Variants in URM1 observed in about 807,000 individuals in gnomAD.
URM1 encodes the protein ubiquitin-related modifier 1.
URM1 carries 11 observed loss-of-function variants against 17.7 expected under a neutral mutation model. That is an observed-to-expected ratio of 0.62 (90% CI 0.39 to 1.03). The LOEUF (loss-of-function observed/expected upper bound fraction) is 1.03. URM1 is among the 50% of genes least tolerant of loss of function. The pLI is 0.00. For missense variants in URM1, 128 were observed against 129.2 expected, an observed-to-expected ratio of 0.99 and a Z score of 0.04; for synonymous variants, 48 against 50.6, an observed-to-expected ratio of 0.95 and a Z score of 0.22.
chr9:128,379,252 C>T (rs148674215), intron 2 of URM1, among the ~76,000 whole-genome samples: 2 of 152,094 alleles, frequency 1.3e-5, no homozygotes, highest in African/African-American at 4.8e-5. Flanking sequence ...GAGGCTGAGG[C>T]GGGCAGATCA....
At chr9:128,381,273 G>A (rs1198855511) in intron 2 of URM1, among the ~76,000 whole-genome samples, 1 of 152,210 alleles carries the variant, frequency 6.6e-6, no homozygotes, top group Non-Finnish European at 1.5e-5. Flanking sequence ...TGGGAGTGGA[G>A]CCAGGGAATA....
intron 2 of URM1, 54 bp downstream of exon 2, chr9:128,378,160 C>A: frequency 7.6e-7 from 1 of 1,319,298 alleles, no homozygotes; most frequent in South Asian, 1.2e-5. Flanking sequence ...AGGAGTTGGT[C>A]CATGGGGAAC....
At chr9:128,371,643 C>T (rs1216593767) in intron 1 of URM1, among the ~76,000 whole-genome samples, 2 of 152,278 alleles carry the variant, frequency 1.3e-5, no homozygotes, top group East Asian at 3.9e-4. Flanking sequence ...CTCTGTGTAC[C>T]ACTCGGTGCC....
chr9:128,391,306 T>C lies in URM1; in HGVS notation c.*1572T>C, dbSNP rs1452901665. ...ATCATTCTTTTGGGGGTAGATGACC[T>C]GCTGGCTGGTGGGCTTTTCTCCAGG... is the stretch of plus-strand genomic sequence containing the variant. On this transcript the variant is annotated 3_prime_UTR_variant, in exon 5 of 5. Transcript: ENST00000372853. 1 of 152,326 alleles carries C rather than the reference T, an allele frequency of 6.6e-6. No individual in the cohort carries two copies. The highest frequency in any genetic ancestry group is 1.5e-5 in the Non-Finnish European group (1 of 68,124). The allele number at this position is 152,326 out of a possible 1,614,324, so 9.4% of individuals were successfully genotyped here. A position where few individuals can be genotyped will look rare whatever the true frequency, so the allele number is the denominator to read the frequency against.
rs761148696 is a variant in URM1, at chr9:128,389,896, A to C, written c.*162A>C. The C allele has an allele frequency of 5.2e-6, 5 of 970,136 alleles. No homozygotes were observed. The highest frequency in any genetic ancestry group is 7.4e-6 in the Non-Finnish European group (5 of 671,344). 60.1% of individuals were successfully genotyped at this position (970,136 alleles called of 1,614,324 possible). ...AGGGAAAAGAGGCCAGGTGCTAAAA[A>C]TGAGCCTTTCTCAAGCACGTGAGCA... On this transcript the variant is annotated 3_prime_UTR_variant, in exon 5 of 5. Transcript: ENST00000372853.
chr9:128,379,884 A>G (rs959258118), intron 2 of URM1, among the ~76,000 whole-genome samples: 4 of 152,156 alleles, frequency 2.6e-5, no homozygotes, highest in Admixed American at 6.5e-5. Context: ...AGTCTGAGGT[A>G]GGAGGATTAC....
chr9:128,377,927 C>A, intron 1 of URM1, 109 bp from the exon 2 acceptor site: 1 of 1,126,190 alleles, frequency 8.9e-7, no homozygotes, highest in Non-Finnish European at 1.3e-6. Flanking sequence ...TTAGTCTCTG[C>A]TTCTCTCGGC....
chr9:128,375,821 C>T (rs1321054624), intron 1 of URM1, among the ~76,000 whole-genome samples: 1 of 152,096 alleles, frequency 6.6e-6, no homozygotes, highest in Non-Finnish European at 1.5e-5. Flanking sequence ...CTCTCAGCCT[C>T]CCAAAGTGCT....
chr9:128,384,595 G>A (rs890478869), intron 2 of URM1, among the ~76,000 whole-genome samples: 1 of 152,168 alleles, frequency 6.6e-6, no homozygotes, highest in South Asian at 2.1e-4. Context: ...CTCTAAAGCT[G>A]AGGTGCCAGG....
intron 3 of URM1, chr9:128,388,375 T>A (rs984693768): frequency 2.0e-6 from 2 of 988,480 alleles, no homozygotes; most frequent in African/African-American, 3.5e-5. Flanking sequence ...CACACACCCA[T>A]GCACATGCAC....
intron 2 of URM1, among the ~76,000 whole-genome samples, chr9:128,384,508 A>C (rs938398468): frequency 1.3e-5 from 2 of 152,062 alleles, no homozygotes; most frequent in African/African-American, 4.8e-5. Context: ...CCAGCTTCTG[A>C]TGGGAAGATA....
intron 1 of URM1, among the ~76,000 whole-genome samples, chr9:128,374,065 G>A (rs1004096240): frequency 1.3e-5 from 2 of 152,196 alleles, no homozygotes; most frequent in African/African-American, 4.8e-5. Flanking sequence ...AGATATGTCA[G>A]TTGAGTTTGA....
chr9:128,374,238 G>A (rs534496095), intron 1 of URM1, among the ~76,000 whole-genome samples: 2 of 152,264 alleles, frequency 1.3e-5, no homozygotes, highest in South Asian at 4.1e-4. Context: ...TTGAGGGCCA[G>A]TGAATTCAGC....
intron 1 of URM1, among the ~76,000 whole-genome samples, chr9:128,372,006 A>G (rs1395774571): frequency 6.6e-6 from 1 of 152,206 alleles, no homozygotes; most frequent in African/African-American, 2.4e-5. Flanking sequence ...ATAAGAAATC[A>G]CACTGAAGGG....
rs777622756 is a variant in URM1, at chr9:128,371,461, G to T, written c.35+46G>T. 2.5e-6 allele frequency: 4 copies of T among 1,599,202 alleles called. No individual in the cohort carries two copies. In the South Asian group the frequency reaches 4.4e-5, roughly 18 times the overall value. ...GCCGTGGGGATGGATTGAAGTCGTC[G>T]GGCCCAGAATTCCTTTCCTTCTGCC... On this transcript the variant is annotated intron_variant, in intron 1 of 4. Coordinates refer to ENST00000372853, the MANE Select transcript of URM1 (RefSeq NM_030914.4).
chr9:128,377,897 A>G (rs1833098126), intron 1 of URM1, 139 bp from the exon 2 acceptor site: 3 of 769,392 alleles, frequency 3.9e-6, no homozygotes, highest in Non-Finnish European at 6.6e-6. Flanking sequence ...TAGTCACTGC[A>G]CCCAAGGTGT....
rs1833322759 is a variant in URM1, at chr9:128,391,993, A to G, written c.*2259A>G. On this transcript the variant is annotated 3_prime_UTR_variant, in exon 5 of 5. Transcript: ENST00000372853. ...GATCCCTGCTTTTGAGGAAATAAACAAATAAAACCCCGCTATCTCCGAAGA... is the reference window on the plus strand; with the variant it reads ...GATCCCTGCTTTTGAGGAAATAAACGAATAAAACCCCGCTATCTCCGAAGA... The G allele has an allele frequency of 6.6e-6, 1 of 152,352 alleles. No individual in the cohort carries two copies. Among genetic ancestry groups the G allele is most frequent in the East Asian group, 1.9e-4 (1 of 5,194 alleles). The allele number at this position is 152,352 out of a possible 1,614,324, so 9.4% of individuals were successfully genotyped here. A position where few individuals can be genotyped will look rare whatever the true frequency, so the allele number is the denominator to read the frequency against.
At chr9:128,380,652 T>C (rs1274927091) in intron 2 of URM1, among the ~76,000 whole-genome samples, 1 of 151,080 alleles carries the variant, frequency 6.6e-6, no homozygotes, top group Non-Finnish European at 1.5e-5. Context: ...TTTTTTTTTT[T>C]TGAGATGGAG....
At chr9:128,385,672 A>T (rs1833217046) in intron 2 of URM1, among the ~76,000 whole-genome samples, 1 of 152,110 alleles carries the variant, frequency 6.6e-6, no homozygotes, top group Non-Finnish European at 1.5e-5. Context: ...GGCTATTTGC[A>T]TATTGTCTGT....
Sources: allele counts gnomAD v4.1 joint callset (sites outside exome capture counted in the v4.1 genomes callset), GRCh38; gene constraint gnomAD v4.1.1; transcripts MANE v1.5; gene names NCBI Gene and HGNC (gene_info 2026-07-23, HGNC 2026-07-21).